Variants in INPP5F observed in about 807,000 individuals in gnomAD.
INPP5F encodes phosphatidylinositide 4-phosphatase SAC2.
INPP5F carries 97 observed loss-of-function variants against 137.2 expected under a neutral mutation model. The ratio of observed to expected loss-of-function variants is 0.71; its 90% CI spans 0.60 to 0.84. The LOEUF is 0.84. Among genes scored for constraint, INPP5F ranks in the 40% least tolerant of loss-of-function variants. The pLI, the probability that INPP5F is intolerant of heterozygous loss-of-function variation, is 0.00. For synonymous variants in INPP5F, 504 were observed against 476.9 expected, an observed-to-expected ratio of 1.06 and a Z score of -0.74; for missense variants, 1,271 against 1,371.9, an observed-to-expected ratio of 0.93 and a Z score of 1.16.
chr10:119,730,036 A>G (rs1241547788), intron 1 of INPP5F, among the ~76,000 whole-genome samples: 2 of 151,842 alleles, frequency 1.3e-5, no homozygotes, highest in East Asian at 1.9e-4. Flanking sequence ...CTGTATTCAT[A>G]TATAGCAGTT....
intron 6 of INPP5F, 32 bp downstream of exon 6, chr10:119,792,245 T>C (rs1850173617): frequency 6.7e-7 from 1 of 1,490,742 alleles, no homozygotes; most frequent in Non-Finnish European, 9.3e-7. Flanking sequence ...TTCCTAACCG[T>C]AATGAAATTG....
At chr10:119,777,779 C>A (rs1487748732) in intron 2 of INPP5F, among the ~76,000 whole-genome samples, 3 of 152,034 alleles carry the variant, frequency 2.0e-5, no homozygotes, top group Non-Finnish European at 4.4e-5. Context: ...CATGGTAGGT[C>A]TTCAGTTAAT....
At chr10:119,728,491 T>G (rs1847954621) in intron 1 of INPP5F, among the ~76,000 whole-genome samples, 1 of 152,248 alleles carries the variant, frequency 6.6e-6, no homozygotes, top group African/African-American at 2.4e-5. Flanking sequence ...TGCTGCTGTT[T>G]GTAGTGACAG....
intron 2 of INPP5F, among the ~76,000 whole-genome samples, chr10:119,780,192 G>A (rs1849656954): frequency 6.6e-6 from 1 of 152,166 alleles, no homozygotes. Context: ...TATGTGGTAT[G>A]TGACTGTATA....
intron 2 of INPP5F, among the ~76,000 whole-genome samples, chr10:119,761,772 T>C (rs1564813451): frequency 6.6e-6 from 1 of 152,158 alleles, no homozygotes; most frequent in Admixed American, 6.6e-5. Context: ...CAGATACCAA[T>C]GAAGTAGGTT....
intron 13 of INPP5F, among the ~76,000 whole-genome samples, chr10:119,808,397 TG>T (rs1021220363): frequency 6.6e-6 from 1 of 152,240 alleles, no homozygotes. Flanking sequence ...GCATGTCTGC[TG>T]GCAGGTTTTG....
intron 2 of INPP5F, among the ~76,000 whole-genome samples, chr10:119,777,872 A>G (rs2134172577): frequency 6.6e-6 from 1 of 152,304 alleles, no homozygotes; most frequent in South Asian, 2.1e-4. Flanking sequence ...GGAATTATGA[A>G]ATGTTTCCAA....
chr10:119,821,778 GTGTTTGCCT>G (rs201192457), intron 16 of INPP5F, among the ~76,000 whole-genome samples: 2,331 of 151,184 alleles, frequency 0.015, 30 homozygotes, highest in South Asian at 0.035. Context: ...GCGCGCGCAT[GTGTTTGCCT>G]TGTAAGTTAG....
chr10:119,751,780 T>C (rs1255198100), intron 2 of INPP5F, among the ~76,000 whole-genome samples: 1 of 152,190 alleles, frequency 6.6e-6, no homozygotes, highest in African/African-American at 2.4e-5. Flanking sequence ...TTTTCTTTTT[T>C]GGTGCCTTAC....
Position 119,826,862 on chromosome 10 carries a change from A to G in INPP5F, c.2481A>G (p.Ser827=). The part of the protein sequence containing the change: ...KPNLKVNLWK[S]DSSLETMENT... ...ACTTAAAAGTAAATCTTTGGAAATC[A>G]GATAGTAGTCTTGAAACTATGGAAA... The change falls in exon 20 of 20, where the codon TCA becomes TCG. Residue 827 remains serine, a synonymous_variant. Transcript: ENST00000650623. 1 of 1,614,112 alleles carries G rather than the reference A, an allele frequency of 6.2e-7. No homozygotes were observed.
chr10:119,809,387 T>C (rs1250057989), intron 13 of INPP5F, among the ~76,000 whole-genome samples: 1 of 152,170 alleles, frequency 6.6e-6, no homozygotes, highest in African/African-American at 2.4e-5. Context: ...ACTGACCTAA[T>C]TGGCAGCATG....
rs1429558701 is a variant in INPP5F at position 119,798,608 on chromosome 10, C to G, written c.1114C>G (p.Gln372Glu). 1.2e-6 allele frequency: 2 copies of G among 1,608,058 alleles called. No homozygotes were observed. The highest frequency in any genetic ancestry group is 1.7e-5 in the Admixed American group (1 of 59,772). The stretch of plus-strand genomic sequence containing the variant: ...AGAACAACTGAACATTTACAAAAAA[C>G]AGGTGGGCTTTGATTTACAGTAGTA... ...FEEQLNIYKKQVIINLVDQAG... is the reference protein window; with the variant it reads ...FEEQLNIYKKEVIINLVDQAG... The change falls in exon 9 of 20, where the codon CAG (glutamine) becomes GAG (glutamate). Residue 372 changes from glutamine (Q) to glutamate (E), a missense_variant and splice_region_variant. By Grantham distance (29) the Gln-to-Glu change is conservative. Around this residue, in one of 6 missense-constraint regions of INPP5F, gnomAD observed 593 missense variants for 712.4 expected, o/e 0.83. Transcript: ENST00000650623.
intron 2 of INPP5F, among the ~76,000 whole-genome samples, chr10:119,771,890 T>G (rs1335227728): frequency 2.2e-5 from 1 of 45,592 alleles, no homozygotes; most frequent in Non-Finnish European, 4.3e-5. Flanking sequence ...ATATTTTTTT[T>G]TTTTTTTTTT....
chr10:119,741,724 A>C (rs974335747), intron 1 of INPP5F, among the ~76,000 whole-genome samples: 1 of 151,686 alleles, frequency 6.6e-6, no homozygotes, highest in Non-Finnish European at 1.5e-5. Context: ...TAGTAGAGAC[A>C]GGGTTTCACC....
At chr10:119,769,363 G>A (rs942506913) in intron 2 of INPP5F, among the ~76,000 whole-genome samples, 9 of 152,114 alleles carry the variant, frequency 5.9e-5, no homozygotes, top group African/African-American at 2.2e-4. Context: ...AAACTCCTGA[G>A]CTCCAGTGAT....
intron 1 of INPP5F, among the ~76,000 whole-genome samples, chr10:119,732,710 A>G (rs1205561115): frequency 6.6e-6 from 1 of 151,770 alleles, no homozygotes; most frequent in Non-Finnish European, 1.5e-5. Context: ...CGTATTGGCC[A>G]GGTTGGTCTT....
Position 119,823,197 on chromosome 10 carries a change from A to G in INPP5F, c.2159A>G (p.Lys720Arg). The change falls in exon 18 of 20, where the codon AAA becomes AGA. Residue 720 changes from lysine (K) to arginine (R), a missense_variant and splice_region_variant. Lys to Arg is a conservative substitution (Grantham distance 26). This residue lies in a region of INPP5F where 593 missense variants were observed against 712.4 expected (regional missense o/e 0.83). Coordinates refer to ENST00000650623, the MANE Select transcript of INPP5F (RefSeq NM_014937.4). ...AVMRNPEEDG[K>R]DTLQCIAEML... ...ATGCGTAATCCTGAAGAGGATGGAA[A>G]AGGTAAAAAGAGGAAGAGATGAAAG... 1.2e-6 allele frequency: 2 copies of G among 1,610,128 alleles called. No individual in the cohort carries two copies. Among genetic ancestry groups the G allele is most frequent in the Non-Finnish European group, 1.7e-6 (2 of 1,178,998 alleles).
At chr10:119,744,363 CT>C (rs1319488376) in intron 1 of INPP5F, among the ~76,000 whole-genome samples, 1 of 152,202 alleles carries the variant, frequency 6.6e-6, no homozygotes, top group Non-Finnish European at 1.5e-5. Flanking sequence ...CCTGTTTTTA[CT>C]GAGTCAAGGG....
In INPP5F at chr10:119,820,852, T is replaced by C; in HGVS notation, c.1893T>C (p.Ile631=). ...WALIDCDPSL[I]DATHRDVDVL... ...CTGTGTCATATTTGTTTAGCCTCAT[T>C]GATGCTACTCACAGAGACGTGGATG... is the stretch of plus-strand genomic sequence containing the variant. Residue 631 remains isoleucine, a synonymous_variant, in exon 16 of 20, where the codon ATT becomes ATC. Transcript: ENST00000650623. The C allele has an allele frequency of 6.2e-7, 1 of 1,608,838 alleles. No individual in the cohort carries two copies. Among genetic ancestry groups the C allele is most frequent in the Non-Finnish European group, 8.5e-7 (1 of 1,175,196 alleles).
Sources: gnomAD v4.1 joint callset for allele counts (sites outside exome capture counted in the v4.1 genomes callset) on GRCh38, gnomAD v4.1.1 for gene constraint, gnomAD v4.1.1 regional missense constraint, MANE v1.5 for transcripts, NCBI Gene and HGNC (gene_info 2026-07-23, HGNC 2026-07-21) for gene names.